ETV6: variants seen among roughly 807,000 people sequenced by gnomAD.
The protein encoded by ETV6 is ETS variant transcription factor 6.
A neutral mutation model predicts 51.1 loss-of-function variants in ETV6; 16 were observed. That is an observed-to-expected ratio of 0.31 (90% CI 0.21 to 0.48). ETV6 has a LOEUF of 0.48. Ranked by LOEUF, ETV6 falls within the 20% of genes least tolerant of loss-of-function variation. ETV6 has a pLI of 0.99. For synonymous variants in ETV6, 240 were observed against 224.1 expected (o/e 1.07, Z -0.64); for missense variants, 458 against 594.8 (o/e 0.77, Z 2.39).
intron 1 of ETV6, among the ~76,000 whole-genome samples, chr12:11,679,181 A>G (rs1591603402): frequency 6.6e-6 from 1 of 152,340 alleles, no homozygotes; most frequent in East Asian, 1.9e-4. Context: ...GTGTGCAGGA[A>G]ATAAGGAATA....
chr12:11,690,403 T>C (rs1864731541), intron 1 of ETV6, among the ~76,000 whole-genome samples: 1 of 152,058 alleles, frequency 6.6e-6, no homozygotes, highest in South Asian at 2.1e-4. Flanking sequence ...ATGGGATTAG[T>C]CATAATCTTT....
At chr12:11,884,952 C>T (rs1313666091) in intron 6 of ETV6, among the ~76,000 whole-genome samples, 1 of 152,110 alleles carries the variant, frequency 6.6e-6, no homozygotes, top group Non-Finnish European at 1.5e-5. Context: ...TGGGAAGTGC[C>T]ACTACTTTTC....
chr12:11,757,458 C>T (rs1547393), intron 2 of ETV6, among the ~76,000 whole-genome samples: 71,200 of 151,766 alleles, frequency 0.47, 20,577 homozygotes, highest in Admixed American at 0.66. Context: ...GGGAGCTGAA[C>T]GTGATCATCA....
At chr12:11,889,304 G>A (rs1947252518) in intron 7 of ETV6, among the ~76,000 whole-genome samples, 1 of 152,164 alleles carries the variant, frequency 6.6e-6, no homozygotes. Flanking sequence ...AGATTGATAG[G>A]CTTCCAATAA....
intron 1 of ETV6, among the ~76,000 whole-genome samples, chr12:11,708,577 T>C (rs1482723691): frequency 6.6e-6 from 1 of 152,202 alleles, no homozygotes; most frequent in Non-Finnish European, 1.5e-5. Flanking sequence ...AGCCTTGCTG[T>C]GTTATCACAG....
chr12:11,792,321 G>T (rs563747899), intron 2 of ETV6, among the ~76,000 whole-genome samples: 2 of 152,106 alleles, frequency 1.3e-5, no homozygotes, highest in East Asian at 3.9e-4. Flanking sequence ...AGTGTTGGCC[G>T]GAGCTAGCTA....
intron 5 of ETV6, among the ~76,000 whole-genome samples, chr12:11,878,676 C>T (rs1947032817): frequency 6.6e-6 from 1 of 151,974 alleles, no homozygotes; most frequent in Non-Finnish European, 1.5e-5. Flanking sequence ...CCACCGTGCA[C>T]ATATGTTTTC....
At chr12:11,739,658 G>GA (rs1464871566) in intron 1 of ETV6, among the ~76,000 whole-genome samples, 2 of 151,972 alleles carry the variant, frequency 1.3e-5, no homozygotes, top group African/African-American at 4.8e-5. Context: ...GACTTAGTAT[G>GA]AAAAAAACAT....
intron 1 of ETV6, among the ~76,000 whole-genome samples, chr12:11,711,771 T>A (rs868858570): frequency 1.3e-5 from 2 of 152,380 alleles, no homozygotes; most frequent in Middle Eastern, 3.4e-3. Context: ...TCTGAAGTCA[T>A]GATTTGTACG....
At chr12:11,731,955 C>G (rs1865608189) in intron 1 of ETV6, among the ~76,000 whole-genome samples, 1 of 152,122 alleles carries the variant, frequency 6.6e-6, no homozygotes, top group Non-Finnish European at 1.5e-5. Context: ...CTGAAAACCC[C>G]ACATCCCCGG....
In ETV6 at chr12:11,884,476, G is replaced by A. The variant is rs1407031773; in HGVS notation, c.1041G>A (p.Gln347=). 1 of 1,614,204 alleles carries A rather than the reference G, an allele frequency of 6.2e-7. No homozygotes were observed. Among genetic ancestry groups the A allele is most frequent in the Non-Finnish European group, 8.5e-7 (1 of 1,180,036 alleles). ...GACTGCTTTGGGATTACGTCTATCA[G>A]TTGCTTTCTGACAGCCGGTACGAAA... ...DCRLLWDYVY[Q]LLSDSRYENF... Residue 347 remains glutamine, a synonymous_variant, in exon 6 of 8, where the codon CAG becomes CAA. Transcript: ENST00000396373.
chr12:11,887,962 AT>A (rs1182892865), intron 7 of ETV6, among the ~76,000 whole-genome samples: 1 of 152,008 alleles, frequency 6.6e-6, no homozygotes, highest in Non-Finnish European at 1.5e-5. Flanking sequence ...TGGGAACTAC[AT>A]TTCCCAGAAG....
intron 1 of ETV6, among the ~76,000 whole-genome samples, chr12:11,677,697 G>T (rs1238874107): frequency 6.6e-6 from 1 of 152,190 alleles, no homozygotes; most frequent in Non-Finnish European, 1.5e-5. Flanking sequence ...TGTGTAATGT[G>T]GTTACACTAG....
chr12:11,663,868 T>C (rs994214740), intron 1 of ETV6, among the ~76,000 whole-genome samples: 1 of 152,194 alleles, frequency 6.6e-6, no homozygotes, highest in African/African-American at 2.4e-5. Flanking sequence ...CATTCCAAAC[T>C]GGGCAATAGT....
At chr12:11,674,169 A>G (rs1200334508) in intron 1 of ETV6, among the ~76,000 whole-genome samples, 1 of 152,160 alleles carries the variant, frequency 6.6e-6, no homozygotes, top group East Asian at 1.9e-4. Context: ...GCGTGGCCAG[A>G]TCGTTCGCTT....
chr12:11,829,813 C>T (rs938008455), intron 2 of ETV6, among the ~76,000 whole-genome samples: 11 of 152,148 alleles, frequency 7.2e-5, no homozygotes, highest in African/African-American at 1.9e-4. Context: ...CACTTGGAAA[C>T]TTAGTGCTGA....
At chr12:11,816,876 C>A (rs558518220) in intron 2 of ETV6, among the ~76,000 whole-genome samples, 88 of 152,278 alleles carry the variant, frequency 5.8e-4, no homozygotes, top group African/African-American at 2.0e-3. Flanking sequence ...AAACTTTGAC[C>A]AGATACCAGC....
intron 3 of ETV6, chr12:11,840,437 T>C: frequency 2.2e-6 from 1 of 456,106 alleles, no homozygotes; most frequent in South Asian, 1.5e-5. Context: ...CTCAAGGCCC[T>C]CCTTTTACTG....
At chr12:11,862,028 A>T (rs1436574222) in intron 4 of ETV6, among the ~76,000 whole-genome samples, 1 of 151,922 alleles carries the variant, frequency 6.6e-6, no homozygotes, top group African/African-American at 2.4e-5. Context: ...ATGTGCATGT[A>T]CTCTCTGTAC....
Sources: gnomAD v4.1 joint callset for allele counts (sites outside exome capture counted in the v4.1 genomes callset) on GRCh38, gnomAD v4.1.1 for gene constraint, MANE v1.5 for transcripts, NCBI Gene and HGNC (gene_info 2026-07-23, HGNC 2026-07-21) for gene names.